The following RAPGEF4 variants were observed in gnomAD, a reference collection of about 807,000 sequenced individuals.
RAPGEF4 encodes the protein RAP guanine-nucleotide-exchange factor (GEF) 4.
RAPGEF4 carries 66 observed loss-of-function variants against 147.9 expected under a neutral mutation model. The ratio of observed to expected loss-of-function variants is 0.45; its 90% CI spans 0.37 to 0.55. The LOEUF is 0.55. Among genes scored for constraint, RAPGEF4 ranks in the 20% least tolerant of loss-of-function variants. The pLI, the probability that RAPGEF4 is intolerant of heterozygous loss-of-function variation, is 0.00. For synonymous variants in RAPGEF4, 419 were observed against 442.7 expected (o/e 0.95, Z 0.67); for missense variants, 1,071 against 1,257.3 (o/e 0.85, Z 2.24).
chr2:172,925,447 TTA>T (rs1271092617), intron 6 of RAPGEF4, among the ~76,000 whole-genome samples: 2 of 152,220 alleles, frequency 1.3e-5, no homozygotes, highest in Non-Finnish European at 2.9e-5. Context: ...ACTTGCTGGA[TTA>T]TTTTGTCTAC....
At chr2:173,004,757 G>A (rs533690195) in intron 17 of RAPGEF4, among the ~76,000 whole-genome samples, 34 of 151,774 alleles carry the variant, frequency 2.2e-4, no homozygotes, top group Non-Finnish European at 4.4e-4. Context: ...TAATAAATTT[G>A]TTTTTAAAAT....
intron 15 of RAPGEF4, among the ~76,000 whole-genome samples, chr2:172,995,707 G>A (rs1185826996): frequency 1.3e-5 from 2 of 152,182 alleles, no homozygotes; most frequent in Admixed American, 1.3e-4. Context: ...TTTTGTCACT[G>A]TCTTGAGTAT....
At chr2:172,903,368 CAAAAAAAAAAA>C (rs10712221) in intron 4 of RAPGEF4, among the ~76,000 whole-genome samples, 2 of 82,698 alleles carry the variant, frequency 2.4e-5, no homozygotes, top group African/African-American at 1.1e-4. Flanking sequence ...GACTCCATCT[CAAAAAAAAAAA>C]AAAAAAAAAG....
rs1411877000 is a variant in RAPGEF4, at chr2:172,780,323, G to C, written c.66-14702G>C. On this transcript the variant is annotated intron_variant, in intron 1 of 30. Transcript: ENST00000397081. ...TTTTAGAGAAGGATAATACATTTTA[G>C]ACGAGACAAAGGAAGAGGACCTTGA... Among the ~76,000 whole-genome samples, 6 of 152,192 alleles carry C rather than the reference G, an allele frequency of 3.9e-5. No individual in the cohort carries two copies. In the East Asian group the frequency reaches 1.2e-3, roughly 29 times the overall value.
chr2:172,990,270 G>A (rs555485824), intron 14 of RAPGEF4, among the ~76,000 whole-genome samples: 10 of 152,224 alleles, frequency 6.6e-5, no homozygotes, highest in Non-Finnish European at 1.2e-4. Flanking sequence ...TTCTTTGAAC[G>A]AATCAGATTA....
chr2:172,846,259 A>T (rs1214633364), intron 4 of RAPGEF4, among the ~76,000 whole-genome samples: 1 of 152,170 alleles, frequency 6.6e-6, no homozygotes, highest in East Asian at 1.9e-4. Flanking sequence ...TTCTACCCTC[A>T]GTCCCAAGCA....
intron 1 of RAPGEF4, among the ~76,000 whole-genome samples, chr2:172,752,296 T>C (rs1283913292): frequency 1.3e-5 from 2 of 152,260 alleles, no homozygotes; most frequent in Non-Finnish European, 2.9e-5. Flanking sequence ...AAAGTGGTCC[T>C]GGATACCTAG....
At chr2:172,963,855 C>T (rs183689948) in intron 8 of RAPGEF4, among the ~76,000 whole-genome samples, 13 of 152,296 alleles carry the variant, frequency 8.5e-5, no homozygotes, top group South Asian at 2.1e-4. Context: ...ACTATACTAG[C>T]GGTCTGCTGT....
intron 6 of RAPGEF4, among the ~76,000 whole-genome samples, chr2:172,943,512 C>T (rs1313799519): frequency 6.6e-6 from 1 of 152,182 alleles, no homozygotes; most frequent in Non-Finnish European, 1.5e-5. Context: ...ACTTGGCACA[C>T]AGCATTTGAT....
At chr2:173,019,516 G>C (rs1695841742) in intron 22 of RAPGEF4, among the ~76,000 whole-genome samples, 1 of 152,216 alleles carries the variant, frequency 6.6e-6, no homozygotes, top group South Asian at 2.1e-4. Context: ...ATTGTAGTGA[G>C]AGACTAGAGG....
intron 4 of RAPGEF4, among the ~76,000 whole-genome samples, chr2:172,894,747 C>T (rs902138965): frequency 2.0e-5 from 3 of 152,066 alleles, no homozygotes; most frequent in Admixed American, 1.3e-4. Flanking sequence ...TCTGAGGGTG[C>T]ATTTCAGAGA....
intron 4 of RAPGEF4, among the ~76,000 whole-genome samples, chr2:172,910,645 A>G (rs1483988544): frequency 6.6e-6 from 1 of 152,190 alleles, no homozygotes; most frequent in Admixed American, 6.5e-5. Flanking sequence ...GGCTGGAATC[A>G]TTTGGAGGCT....
At chr2:172,973,745 TC>T (rs1314614406) in intron 10 of RAPGEF4, among the ~76,000 whole-genome samples, 1 of 152,214 alleles carries the variant, frequency 6.6e-6, no homozygotes, top group Non-Finnish European at 1.5e-5. Context: ...CTCTGCTATC[TC>T]CAGAGAATAG....
At chr2:173,035,715 T>G (rs1271316274) in intron 27 of RAPGEF4, among the ~76,000 whole-genome samples, 1 of 152,184 alleles carries the variant, frequency 6.6e-6, no homozygotes, top group African/African-American at 2.4e-5. Flanking sequence ...ACTAGAGGCC[T>G]TACTGATAAC....
intron 17 of RAPGEF4, among the ~76,000 whole-genome samples, chr2:173,007,141 C>A (rs1374488): frequency 0.7 from 105,971 of 152,066 alleles, 37,315 homozygotes; most frequent in East Asian, 1. Flanking sequence ...CCCTAGCTAC[C>A]TAGCTAGTAA....
chr2:172,791,353 A>T (rs1415264002), intron 1 of RAPGEF4, among the ~76,000 whole-genome samples: 1 of 152,202 alleles, frequency 6.6e-6, no homozygotes, highest in Non-Finnish European at 1.5e-5. Flanking sequence ...GCTGTAGAAG[A>T]TTACATGCAA....
chr2:172,811,117 T>C (rs1374780371), intron 3 of RAPGEF4, among the ~76,000 whole-genome samples: 5 of 152,336 alleles, frequency 3.3e-5, no homozygotes, highest in African/African-American at 1.2e-4. Context: ...ATCTTCCCAC[T>C]CTCATGTCCT....
intron 4 of RAPGEF4, chr2:172,917,437 C>T (rs543666630): frequency 1.5e-5 from 8 of 540,794 alleles, no homozygotes; most frequent in African/African-American, 9.3e-5. Context: ...TTATTTGTAT[C>T]TGCATCTATA....
chr2:172,896,109 C>T (rs1433229271), intron 4 of RAPGEF4, among the ~76,000 whole-genome samples: 1 of 152,130 alleles, frequency 6.6e-6, no homozygotes, highest in Non-Finnish European at 1.5e-5. Context: ...ACATGAACTG[C>T]CGAACTTCAC....
Sources: gnomAD v4.1 joint callset for allele counts (sites outside exome capture counted in the v4.1 genomes callset) on GRCh38, gnomAD v4.1.1 for gene constraint, MANE v1.5 for transcripts, NCBI Gene and HGNC (gene_info 2026-07-23, HGNC 2026-07-21) for gene names.